DOCK4: variants seen among roughly 807,000 people sequenced by gnomAD.
DOCK4 encodes the protein dedicator of cytokinesis protein 4.
In DOCK4, 97 loss-of-function variants were observed where a neutral mutation model predicts 268.1. That is an observed-to-expected ratio of 0.36 (90% CI 0.31 to 0.43). The LOEUF (loss-of-function observed/expected upper bound fraction) is 0.43. Among genes scored for constraint, DOCK4 ranks in the 20% least tolerant of loss-of-function variants. The pLI is 1.00. For synonymous variants in DOCK4, 954 were observed against 887.2 expected (o/e 1.08, Z -1.34); for missense variants, 2,145 against 2,455.7 (o/e 0.87, Z 2.67).
chr7:111,746,589 A>T (rs1377002896), intron 43 of DOCK4, among the ~76,000 whole-genome samples, 172 bp from the exon 44 acceptor site: 1 of 152,180 alleles, frequency 6.6e-6, no homozygotes, highest in Non-Finnish European at 1.5e-5. Context: ...GAACATAAGG[A>T]AAGAATTGTT....
At chr7:112,185,587 C>A (rs1563167450) in intron 1 of DOCK4, among the ~76,000 whole-genome samples, 1 of 150,742 alleles carries the variant, frequency 6.6e-6, no homozygotes, top group Admixed American at 6.6e-5. Context: ...GAAGTCAGAA[C>A]ATGGGTCACC....
chr7:111,746,054 T>A (rs1313707426), intron 44 of DOCK4, among the ~76,000 whole-genome samples: 1 of 152,186 alleles, frequency 6.6e-6, no homozygotes, highest in East Asian at 1.9e-4. Flanking sequence ...TATATGCAAA[T>A]ATTTCAAAAT....
chr7:112,042,701 G>A (rs1380197035), intron 1 of DOCK4, among the ~76,000 whole-genome samples: 3 of 152,198 alleles, frequency 2.0e-5, no homozygotes, highest in East Asian at 1.9e-4. Context: ...TTTACTTCAA[G>A]GTTGACACTT....
chr7:111,755,582 G>T lies in DOCK4; in HGVS notation c.4349C>A (p.Thr1450Lys). ...CAAACTCTGCACCAAGTATAATGAC[G>T]TTCTCTCCACCCAGAGACTCTACAA... ...NEFKSLWVER[T>K]SLYLVQSLPG... is the part of the protein sequence containing the mutation. Residue 1450 changes from threonine (T) to lysine (K), a missense_variant, in exon 42 of 53, where the codon ACG (threonine) becomes AAG (lysine). Coordinates refer to ENST00000428084, the MANE Select transcript of DOCK4 (RefSeq NM_001363540.2). 19 of 1,613,652 alleles carry T rather than the reference G, an allele frequency of 1.2e-5. No individual in the cohort carries two copies. Among genetic ancestry groups the T allele is most frequent in the Non-Finnish European group, 1.6e-5 (19 of 1,179,812 alleles).
intron 1 of DOCK4, among the ~76,000 whole-genome samples, chr7:112,082,866 T>C (rs1808728642): frequency 6.6e-6 from 1 of 152,126 alleles, no homozygotes; most frequent in Non-Finnish European, 1.5e-5. Flanking sequence ...ATCCTACCCA[T>C]ATGACTTAGC....
chr7:111,954,023 T>C lies in DOCK4; in HGVS notation c.702-8225A>G, dbSNP rs1035327923. ...GAATTCAAAGCCACCTCTTTGAGAA[T>C]TTCTCATTCCCTATGTATTAATATA... On this transcript the variant is annotated intron_variant, in intron 8 of 52. Coordinates refer to ENST00000428084, the MANE Select transcript of DOCK4 (RefSeq NM_001363540.2). 3.3e-5 allele frequency among the ~76,000 whole-genome samples: 5 copies of C among 152,242 alleles called. No homozygotes were observed. The East Asian group carries it at 5.8e-4, about 18-fold the overall frequency.
intron 36 of DOCK4, among the ~76,000 whole-genome samples, chr7:111,770,089 G>C (rs554960702): frequency 1.3e-5 from 2 of 152,154 alleles, no homozygotes; most frequent in East Asian, 3.9e-4. Flanking sequence ...CCAAAGGGCA[G>C]GCTTAGGAAA....
chr7:112,067,861 T>C (rs1807224179), intron 1 of DOCK4, among the ~76,000 whole-genome samples: 1 of 152,226 alleles, frequency 6.6e-6, no homozygotes, highest in South Asian at 2.1e-4. Context: ...GCACAAACCC[T>C]GGCTGTTTGT....
At chr7:112,106,058 T>C (rs1224493022) in intron 1 of DOCK4, among the ~76,000 whole-genome samples, 1 of 152,192 alleles carries the variant, frequency 6.6e-6, no homozygotes, top group African/African-American at 2.4e-5. Context: ...CAGATTCTGT[T>C]TGGCTGTTCC....
chr7:111,740,443 C>T (rs1373865456), intron 47 of DOCK4, among the ~76,000 whole-genome samples: 3 of 149,632 alleles, frequency 2.0e-5, no homozygotes, highest in Non-Finnish European at 4.4e-5. Context: ...TTTTGGAATG[C>T]TAAGAGGGGC....
intron 6 of DOCK4, among the ~76,000 whole-genome samples, chr7:111,987,968 T>G (rs1173431717): frequency 1.3e-5 from 2 of 152,236 alleles, no homozygotes; most frequent in African/African-American, 4.8e-5. Flanking sequence ...AATCTGTTAG[T>G]AGGTCTGGGT....
Position 112,004,126 on chromosome 7 carries a change from C to A in DOCK4, c.43G>T (p.Ala15Ser). The A allele has an allele frequency of 6.3e-7, 1 of 1,583,974 alleles. No homozygotes were observed. The highest frequency in any genetic ancestry group is 8.6e-7 in the Non-Finnish European group (1 of 1,163,878). Residue 15 changes from alanine to serine, a missense_variant, in exon 2 of 53, where the codon GCC (alanine) becomes TCC (serine). Ala to Ser is a moderately conservative substitution (Grantham distance 99). Transcript: ENST00000428084. ...TATGGAACGGTTCCTCGGAAACTGGCAATAACTGTAAAAAATGATAAAGAA... is the reference window on the plus strand; with the variant it reads ...TATGGAACGGTTCCTCGGAAACTGGAAATAACTGTAAAAAATGATAAAGAA... ...TEHEKYGVVI[A>S]SFRGTVPYGL...
chr7:112,032,358 G>A (rs181878787), intron 1 of DOCK4, among the ~76,000 whole-genome samples: 445 of 152,278 alleles, frequency 2.9e-3, no homozygotes, highest in Middle Eastern at 6.8e-3. Flanking sequence ...TTGGCAATCC[G>A]AAGTGCATGG....
At chr7:111,804,062 A>G (rs953704006) in intron 30 of DOCK4, among the ~76,000 whole-genome samples, 1 of 152,198 alleles carries the variant, frequency 6.6e-6, no homozygotes, top group South Asian at 2.1e-4. Context: ...TAGAATTCCC[A>G]TATGATCCAG....
chr7:111,972,255 T>C (rs1389405588), intron 8 of DOCK4, among the ~76,000 whole-genome samples: 3 of 152,164 alleles, frequency 2.0e-5, no homozygotes, highest in African/African-American at 4.8e-5. Flanking sequence ...GCAGTGATTC[T>C]GATGCGACTG....
chr7:111,869,218 TG>T (rs1806223890), intron 21 of DOCK4, among the ~76,000 whole-genome samples: 1 of 152,180 alleles, frequency 6.6e-6, no homozygotes, highest in African/African-American at 2.4e-5. Context: ...GGTTCTCCGA[TG>T]GTCTCTGTCA....
At chr7:111,900,621 G>A in intron 14 of DOCK4, 85 bp from the exon 15 acceptor site, 1 of 1,386,110 alleles carries the variant, frequency 7.2e-7, no homozygotes, top group Non-Finnish European at 9.8e-7. Context: ...TGCTCTATCT[G>A]CCTGCCTCTC....
intron 12 of DOCK4, among the ~76,000 whole-genome samples, chr7:111,924,509 A>G (rs906178347): frequency 3.3e-5 from 5 of 152,162 alleles, no homozygotes; most frequent in African/African-American, 1.2e-4. Flanking sequence ...TGCAGGCAGG[A>G]AGGAGAAAAT....
intron 1 of DOCK4, among the ~76,000 whole-genome samples, chr7:112,043,762 C>G (rs573360905): frequency 2.4e-4 from 36 of 151,804 alleles, no homozygotes; most frequent in Non-Finnish European, 4.7e-4. Flanking sequence ...CTAAATACCC[C>G]CTAGATAAGC....
Sources: allele counts gnomAD v4.1 joint callset (sites outside exome capture counted in the v4.1 genomes callset), GRCh38; gene constraint gnomAD v4.1.1; transcripts MANE v1.5; gene names NCBI Gene and HGNC (gene_info 2026-07-23, HGNC 2026-07-21).